ELMOD3: variants seen among roughly 807,000 people sequenced by gnomAD.
The protein encoded by ELMOD3 is ELMO domain-containing protein 3.
In ELMOD3, 36 loss-of-function variants were observed where a neutral mutation model predicts 47.4. The observed-to-expected ratio is 0.76, with a 90% confidence interval of 0.58 to 1.00. The LOEUF (loss-of-function observed/expected upper bound fraction) is 1.00. Among genes scored for constraint, ELMOD3 ranks in the 50% least tolerant of loss-of-function variants. The pLI is 0.00. For synonymous variants in ELMOD3, 149 were observed against 183.5 expected, an observed-to-expected ratio of 0.81 and a Z score of 1.52; for missense variants, 404 against 463.8, an observed-to-expected ratio of 0.87 and a Z score of 1.18.
intron 10 of ELMOD3, among the ~76,000 whole-genome samples, chr2:85,373,535 T>C (rs902549167): frequency 6.6e-6 from 1 of 151,788 alleles, no homozygotes; most frequent in Non-Finnish European, 1.5e-5. Context: ...AATTTCTGAA[T>C]CTCTGGAGAA....
chr2:85,390,995 C>A lies in ELMOD3; in HGVS notation c.*33C>A, dbSNP rs190109086. The A allele has an allele frequency of 2.6e-5, 40 of 1,536,254 alleles. No individual in the cohort carries two copies. In the African/African-American group the frequency reaches 4.5e-4, roughly 17 times the overall value. On this transcript the variant is annotated 3_prime_UTR_variant, in exon 14 of 14. Transcript: ENST00000409013. ...GATGAATGGAGGCTTAAAGGCTGAG[C>A]TGCAGGGGCTTTCAGGGGGTCAGTG...
At chr2:85,387,650 G>C (rs1194656538) in intron 11 of ELMOD3, among the ~76,000 whole-genome samples, 1 of 133,272 alleles carries the variant, frequency 7.5e-6, no homozygotes, top group Non-Finnish European at 1.6e-5. Flanking sequence ...CTGGGCGACA[G>C]AGCAAGACTC....
chr2:85,382,761 A>C (rs1685660381), intron 11 of ELMOD3, among the ~76,000 whole-genome samples: 1 of 152,042 alleles, frequency 6.6e-6, no homozygotes, highest in Admixed American at 6.6e-5. Flanking sequence ...GGTGATCCAC[A>C]CGCCTTGGCC....
At chr2:85,362,837 G>C (rs1220716281) in intron 5 of ELMOD3, among the ~76,000 whole-genome samples, 1 of 152,240 alleles carries the variant, frequency 6.6e-6, no homozygotes, top group Non-Finnish European at 1.5e-5. Flanking sequence ...AGGATCACTT[G>C]AGCCCAGGAG....
rs565241930 is a variant in ELMOD3 at position 85,369,293 on chromosome 2, A to G, written c.269-446A>G. Among the ~76,000 whole-genome samples, 6 of 152,328 alleles carry G rather than the reference A, an allele frequency of 3.9e-5. No homozygotes were observed. The East Asian group carries it at 9.6e-4, about 24-fold the overall frequency. On this transcript the variant is annotated intron_variant, in intron 7 of 13. Transcript: ENST00000409013. ...CAGTGAATAGTATCAGCCATTGCCT[A>G]TATTGCTAACTAATCAGTTAATTCC...
intron 11 of ELMOD3, among the ~76,000 whole-genome samples, chr2:85,380,653 T>A (rs553958982): frequency 0.02 from 2,976 of 152,288 alleles, 44 homozygotes; most frequent in Non-Finnish European, 0.032. Context: ...AGCCTCCGAG[T>A]AGCTGGGATT....
In ELMOD3 at chr2:85,389,775, G is replaced by A. The variant is rs767720093; in HGVS notation, c.763G>A (p.Val255Met). Residue 255 changes from valine to methionine, a missense_variant, in exon 12 of 14, where the codon GTG becomes ATG. Transcript: ENST00000409013. ...IQQFPFCLMS[V>M]NITHIAIQAL... The stretch of plus-strand genomic sequence containing the variant: ...GCAATTCCCTTTCTGTTTGATGTCC[G>A]TGAACATCACCCACATTGCCATCCA... 2.0e-5 allele frequency: 32 copies of A among 1,613,924 alleles called. No individual in the cohort carries two copies. The highest frequency in any genetic ancestry group is 1.3e-4 in the South Asian group (12 of 91,082).
intron 11 of ELMOD3, among the ~76,000 whole-genome samples, chr2:85,385,162 G>C (rs1038010049): frequency 3.3e-5 from 5 of 152,168 alleles, no homozygotes; most frequent in African/African-American, 4.8e-5. Flanking sequence ...ACCAGGCAGA[G>C]GGATTAGCTA....
chr2:85,365,359 TATATA>T (rs1684310411), intron 6 of ELMOD3, among the ~76,000 whole-genome samples: 1 of 150,098 alleles, frequency 6.7e-6, no homozygotes. Flanking sequence ...CAAAAAAAAA[TATATA>T]TATAATAAAT....
chr2:85,369,035 G>A (rs1332914492), intron 7 of ELMOD3, among the ~76,000 whole-genome samples: 2 of 152,138 alleles, frequency 1.3e-5, no homozygotes, highest in Non-Finnish European at 2.9e-5. Flanking sequence ...CTTGGTTAGG[G>A]CAGCTTCTAC....
At chr2:85,364,825 A>ATATATATATAT (rs375582916) in intron 6 of ELMOD3, among the ~76,000 whole-genome samples, 18 of 69,888 alleles carry the variant, frequency 2.6e-4, no homozygotes, top group East Asian at 3.3e-4. Flanking sequence ...ATATATATAT[A>ATATATATATAT]TTTTTTTTTT....
chr2:85,364,675 C>A (rs1182605943), intron 6 of ELMOD3, among the ~76,000 whole-genome samples: 1 of 151,200 alleles, frequency 6.6e-6, no homozygotes, highest in East Asian at 1.9e-4. Context: ...GTGTGAGCTT[C>A]TATGTGTAGC....
intron 13 of ELMOD3, 193 bp from the exon 14 acceptor site, chr2:85,390,567 T>G: frequency 6.4e-7 from 1 of 1,552,710 alleles, no homozygotes; most frequent in Non-Finnish European, 8.7e-7. Context: ...CAAGGTAGAG[T>G]GTGTGGTCCC....
chr2:85,387,507 C>T (rs144410767), intron 11 of ELMOD3, among the ~76,000 whole-genome samples: 8 of 151,866 alleles, frequency 5.3e-5, no homozygotes, highest in Admixed American at 1.3e-4. Flanking sequence ...ACTCAAAATA[C>T]AAAAATTAGC....
chr2:85,356,579 A>G (rs1683579057), intron 3 of ELMOD3: 1 of 152,242 alleles, frequency 6.6e-6, no homozygotes, highest in African/African-American at 2.4e-5. Context: ...ATAAATTCAC[A>G]GCTGCTTAAA....
chr2:85,363,036 GT>G (rs1399849012), intron 5 of ELMOD3, 60 bp from the exon 6 acceptor site: 3 of 1,047,346 alleles, frequency 2.9e-6, no homozygotes, highest in African/African-American at 1.6e-5. Flanking sequence ...GGTGGGAAGC[GT>G]TTGTGTATAT....
chr2:85,387,060 T>C, intron 11 of ELMOD3: 1 of 1,294,066 alleles, frequency 7.7e-7, no homozygotes, highest in Non-Finnish European at 1.0e-6. Context: ...CTGTTAATAA[T>C]GTTGTTACCA....
At chr2:85,365,547 C>T (rs922996368) in intron 6 of ELMOD3, among the ~76,000 whole-genome samples, 4 of 152,118 alleles carry the variant, frequency 2.6e-5, no homozygotes, top group African/African-American at 4.8e-5. Context: ...CCTTTGCCCC[C>T]GTGTTCTTCT....
At chr2:85,380,465 T>C (rs1258888063) in intron 11 of ELMOD3, among the ~76,000 whole-genome samples, 2 of 152,242 alleles carry the variant, frequency 1.3e-5, no homozygotes, top group Non-Finnish European at 2.9e-5. Context: ...TGTCACAATC[T>C]CCAAAGTTAT....
Sources: gnomAD v4.1 joint callset for allele counts (sites outside exome capture counted in the v4.1 genomes callset) on GRCh38, gnomAD v4.1.1 for gene constraint, MANE v1.5 for transcripts, NCBI Gene and HGNC (gene_info 2026-07-23, HGNC 2026-07-21) for gene names.